NAALAD2: variants seen among roughly 807,000 people sequenced by gnomAD.
NAALAD2 encodes N-acetylated-alpha-linked acidic dipeptidase 2.
In NAALAD2, 89 loss-of-function variants were observed where a neutral mutation model predicts 95.6. That is an observed-to-expected ratio of 0.93 (90% CI 0.78 to 1.11). The LOEUF (loss-of-function observed/expected upper bound fraction) is 1.11, where lower values mean the gene tolerates loss of function less well. Among genes scored for constraint, NAALAD2 ranks in the 50% least tolerant of loss-of-function variants. The probability of loss-of-function intolerance (pLI) is 0.00; values close to 1 mark genes in which losing one functional copy is unlikely to be tolerated. For missense variants in NAALAD2, 894 were observed against 872.4 expected, an observed-to-expected ratio of 1.02 and a Z score of -0.31; for synonymous variants, 264 against 294.4, an observed-to-expected ratio of 0.90 and a Z score of 1.06.
chr11:90,155,323 ATATAATG>A (rs1952037376), intron 6 of NAALAD2, among the ~76,000 whole-genome samples: 1 of 118,414 alleles, frequency 8.4e-6, no homozygotes, highest in African/African-American at 3.3e-5. Flanking sequence ...TATATATAAT[ATATAATG>A]TATAATTATA....
chr11:90,163,895 A>C, intron 11 of NAALAD2: 1 of 468,500 alleles, frequency 2.1e-6, no homozygotes, highest in Non-Finnish European at 3.7e-6. Flanking sequence ...CAGTAAGCTC[A>C]GAAAATAATC....
intron 6 of NAALAD2, among the ~76,000 whole-genome samples, chr11:90,157,910 G>T (rs987272572): frequency 6.6e-6 from 1 of 151,938 alleles, no homozygotes; most frequent in East Asian, 1.9e-4. Flanking sequence ...CAGTAGAGAC[G>T]GGGTTTCACC....
At chr11:90,161,262 G>T (rs1399184626) in intron 8 of NAALAD2, among the ~76,000 whole-genome samples, 1 of 151,508 alleles carries the variant, frequency 6.6e-6, no homozygotes, top group Non-Finnish European at 1.5e-5. Flanking sequence ...TCACTAGACA[G>T]ATTGTGCATT....
intron 13 of NAALAD2, among the ~76,000 whole-genome samples, chr11:90,171,864 G>A (rs1009831438): frequency 1.3e-5 from 2 of 152,090 alleles, no homozygotes; most frequent in African/African-American, 4.8e-5. Flanking sequence ...TATCAATTCT[G>A]ACAATGCATG....
chr11:90,133,772 C>G (rs1040188593), upstream of NAALAD2, among the ~76,000 whole-genome samples: 1 of 152,160 alleles, frequency 6.6e-6, no homozygotes, highest in Non-Finnish European at 1.5e-5. Context: ...TATTGACAGA[C>G]TGCAGTCCTT....
At chr11:90,135,016 G>A (rs1951419656) in intron 1 of NAALAD2, 176 bp downstream of exon 1, 4 of 629,268 alleles carry the variant, frequency 6.4e-6, no homozygotes. Context: ...AATGTATTTT[G>A]GGCTTGCTAA....
chr11:90,185,578 G>C (rs948460376), intron 18 of NAALAD2, among the ~76,000 whole-genome samples: 2 of 152,070 alleles, frequency 1.3e-5, no homozygotes, highest in African/African-American at 4.8e-5. Context: ...AAGGCAGGGG[G>C]ATTGCTTGAA....
In NAALAD2 at chr11:90,149,054, GT is replaced by G; in HGVS notation, c.432del (p.Thr145GlnfsTer23). 2 of 1,607,380 alleles carry G rather than the reference GT, an allele frequency of 1.2e-6. No individual in the cohort carries two copies. Among genetic ancestry groups the G allele is most frequent in the Non-Finnish European group, 1.7e-6 (2 of 1,177,262 alleles). On this transcript the variant is annotated frameshift_variant, in exon 4 of 19. Coordinates refer to ENST00000534061, the MANE Select transcript of NAALAD2 (RefSeq NM_005467.4). LOFTEE classifies it high-confidence loss of function. ...LEPPPDGYEN[V>X]TNIVPPYNAF... ...ACCACCACCAGATGGCTATGAGAAT[GT>G]TACAAATATTGTGCCACCATATAAT...
At chr11:90,153,156 G>C (rs1951935115) in intron 6 of NAALAD2, among the ~76,000 whole-genome samples, 1 of 152,088 alleles carries the variant, frequency 6.6e-6, no homozygotes, top group African/African-American at 2.4e-5. Context: ...GTATTCCCTT[G>C]AATGGCTATA....
At chr11:90,159,812 G>T (rs886991209) in intron 8 of NAALAD2, among the ~76,000 whole-genome samples, 3 of 151,898 alleles carry the variant, frequency 2.0e-5, no homozygotes, top group African/African-American at 7.3e-5. Context: ...TTAGCCAGGT[G>T]TGATGGTGGT....
intron 2 of NAALAD2, among the ~76,000 whole-genome samples, chr11:90,144,845 T>C (rs745666885): frequency 6.6e-6 from 1 of 151,420 alleles, no homozygotes; most frequent in Non-Finnish European, 1.5e-5. Flanking sequence ...AAAGGGTTAA[T>C]GAACACAGCA....
At chr11:90,190,616 T>C (rs931445537) in intron 18 of NAALAD2, among the ~76,000 whole-genome samples, 1 of 152,202 alleles carries the variant, frequency 6.6e-6, no homozygotes, top group African/African-American at 2.4e-5. Flanking sequence ...TTGACTCATA[T>C]ACAGGTCAGG....
chr11:90,181,492 C>G, intron 16 of NAALAD2, 128 bp from the exon 17 acceptor site: 1 of 652,484 alleles, frequency 1.5e-6, no homozygotes. Flanking sequence ...CATGGATCTG[C>G]AAGAAGACTC....
At position 90,182,966 on chromosome 11, in the gene NAALAD2, C is replaced by T; in HGVS notation, c.1991C>T (p.Ala664Val). Residue 664 changes from alanine to valine, a missense_variant, in exon 18 of 19, where the codon GCA (alanine) becomes GTA (valine). Coordinates refer to ENST00000534061, the MANE Select transcript of NAALAD2 (RefSeq NM_005467.4). ...MNDQLMLLER[A>V]FIDPLGLPGK... ...GACCAACTGATGCTCCTGGAAAGAG[C>T]ATTCATCGATCCTCTTGGTTTACCA... 1 of 1,612,604 alleles carries T rather than the reference C, an allele frequency of 6.2e-7. No homozygotes were observed. The highest frequency in any genetic ancestry group is 8.5e-7 in the Non-Finnish European group (1 of 1,178,910).
Position 90,162,932 on chromosome 11 carries a change from T to G in NAALAD2, c.990-17T>G. ...TAATTTGCTGTACTAAGTAATTTAT[T>G]CCTTTTAAAATTCTAGGAAGGTTAG... On this transcript the variant is annotated splice_polypyrimidine_tract_variant and intron_variant, in intron 8 of 18. Coordinates refer to ENST00000534061, the MANE Select transcript of NAALAD2 (RefSeq NM_005467.4). The G allele has an allele frequency of 4.5e-6, 6 of 1,337,854 alleles. No homozygotes were observed. Among genetic ancestry groups the G allele is most frequent in the Non-Finnish European group, 6.3e-6 (6 of 954,652 alleles). The allele number at this position is 1,337,854 out of a possible 1,614,324, so 82.9% of individuals were successfully genotyped here. A position where few individuals can be genotyped will look rare whatever the true frequency, so the allele number is the denominator to read the frequency against.
intron 2 of NAALAD2, among the ~76,000 whole-genome samples, chr11:90,143,653 C>T (rs10765254): frequency 0.45 from 67,748 of 151,454 alleles, 16,058 homozygotes; most frequent in African/African-American, 0.61. Context: ...TTCTCCTCTT[C>T]TCTTTTAATA....
chr11:90,176,694 A>G (rs1952801832), intron 15 of NAALAD2, among the ~76,000 whole-genome samples: 1 of 152,214 alleles, frequency 6.6e-6, no homozygotes, highest in Non-Finnish European at 1.5e-5. Context: ...CATAAACCAA[A>G]TTGAAGATTA....
rs143822485 is a variant in NAALAD2, at chr11:90,163,031, C to T, written c.1072C>T (p.Pro358Ser). ...TGGAACTATCAGAGGATCTGTGGAA[C>T]CTGGTGAGTCACATAATTTTTTAAA... ...VVGTIRGSVEPDRYVILGGHR... is the reference protein window; with the variant it reads ...VVGTIRGSVESDRYVILGGHR... Residue 358 changes from proline (P) to serine (S), a missense_variant, in exon 9 of 19, where the codon CCT becomes TCT. Physicochemically the swap from Pro to Ser is moderately conservative, Grantham distance 74 (BLOSUM62 -1). Coordinates refer to ENST00000534061, the MANE Select transcript of NAALAD2 (RefSeq NM_005467.4). The T allele has an allele frequency of 1.6e-5, 25 of 1,540,422 alleles. No individual in the cohort carries two copies. In the Admixed American group the frequency reaches 3.6e-4, roughly 22 times the overall value.
At chr11:90,177,327 T>A (rs1020157899) in intron 15 of NAALAD2, among the ~76,000 whole-genome samples, 64 of 151,240 alleles carry the variant, frequency 4.2e-4, no homozygotes, top group Non-Finnish European at 2.2e-4. Context: ...TTTTTTTTTT[T>A]ACCAATCAAT....
Sources: allele counts gnomAD v4.1 joint callset (sites outside exome capture counted in the v4.1 genomes callset), GRCh38; gene constraint gnomAD v4.1.1; transcripts MANE v1.5; gene names NCBI Gene and HGNC (gene_info 2026-07-23, HGNC 2026-07-21).